The following CREB5 variants were observed in gnomAD, a reference collection of about 807,000 sequenced individuals.
The protein encoded by CREB5 is cyclic AMP-responsive element-binding protein 5.
In CREB5, 19 loss-of-function variants were observed where a neutral mutation model predicts 57.1. The observed-to-expected ratio is 0.33, with a 90% CI of 0.23 to 0.49. The LOEUF (loss-of-function observed/expected upper bound fraction) is 0.49, where lower values mean the gene tolerates loss of function less well. CREB5 is among the 20% of genes least tolerant of loss of function. The pLI is 0.99. For synonymous variants in CREB5, 238 were observed against 238.3 expected (o/e 1.00, Z 0.01); for missense variants, 579 against 671.6 (o/e 0.86, Z 1.52).
intron 5 of CREB5, among the ~76,000 whole-genome samples, chr7:28,603,292 T>C (rs537331972): frequency 6.6e-6 from 1 of 152,214 alleles, no homozygotes; most frequent in South Asian, 2.1e-4. Flanking sequence ...TAGAAAACTT[T>C]ATGTATAATT....
At chr7:28,783,310 C>G (rs1807099082) in intron 7 of CREB5, among the ~76,000 whole-genome samples, 2 of 152,156 alleles carry the variant, frequency 1.3e-5, no homozygotes, top group African/African-American at 2.4e-5. Context: ...GCTGATGAAC[C>G]AGAAAATTTA....
intron 4 of CREB5, among the ~76,000 whole-genome samples, chr7:28,539,711 A>C (rs1794125918): frequency 6.6e-6 from 1 of 152,204 alleles, no homozygotes; most frequent in South Asian, 2.1e-4. Context: ...TCAGTCACTA[A>C]GTTTCAGTCT....
intron 1 of CREB5, among the ~76,000 whole-genome samples, chr7:28,301,250 C>T (rs1009754223): frequency 4.6e-5 from 7 of 152,164 alleles, no homozygotes; most frequent in Non-Finnish European, 8.8e-5. Flanking sequence ...CAGGGATTTT[C>T]ATGCGTTTCA....
chr7:28,576,470 C>T (rs1234971662), intron 5 of CREB5, among the ~76,000 whole-genome samples: 2 of 152,152 alleles, frequency 1.3e-5, no homozygotes, highest in African/African-American at 4.8e-5. Flanking sequence ...ACATGTTTCC[C>T]CATGCTCCTG....
At chr7:28,325,250 A>T (rs1785567318) in intron 1 of CREB5, among the ~76,000 whole-genome samples, 1 of 152,160 alleles carries the variant, frequency 6.6e-6, no homozygotes, top group Non-Finnish European at 1.5e-5. Flanking sequence ...AGGTCAGGAG[A>T]TCGAGACCAT....
In CREB5 at chr7:28,682,618, A is replaced by T. The variant is rs180818044; in HGVS notation, c.465-36135A>T. Among the ~76,000 whole-genome samples, 1,105 of 152,204 alleles carry T rather than the reference A, an allele frequency of 7.3e-3. 12 individuals are homozygous for T. Among genetic ancestry groups the T allele is most frequent in the Admixed American group, 0.012 (188 of 15,294 alleles). On this transcript the variant is annotated intron_variant, in intron 5 of 10. Coordinates refer to ENST00000357727, the MANE Select transcript of CREB5 (RefSeq NM_182898.4). ...CTGTAGAAATCTTGGGTTAAATTTTAAAAACAACATTTGAAAGAAGATGAT... is the reference window on the plus strand; with the variant it reads ...CTGTAGAAATCTTGGGTTAAATTTTTAAAACAACATTTGAAAGAAGATGAT...
intron 1 of CREB5, among the ~76,000 whole-genome samples, chr7:28,349,599 G>A (rs10269853): frequency 0.76 from 115,541 of 151,886 alleles, 44,485 homozygotes; most frequent in Non-Finnish European, 0.83. Context: ...AACTAAGGAA[G>A]TAGGACCACC....
chr7:28,512,596 A>C (rs1792756515), intron 4 of CREB5, among the ~76,000 whole-genome samples: 1 of 152,236 alleles, frequency 6.6e-6, no homozygotes, highest in African/African-American at 2.4e-5. Flanking sequence ...TTAAAAAAGA[A>C]ATTGCATAAT....
At chr7:28,675,388 GTT>G (rs1319369626) in intron 5 of CREB5, among the ~76,000 whole-genome samples, 1 of 152,136 alleles carries the variant, frequency 6.6e-6, no homozygotes, top group African/African-American at 2.4e-5. Flanking sequence ...TTGTCCTGGT[GTT>G]TCAGAGCCCA....
At chr7:28,337,764 GTCTTA>G (rs1262708821) in intron 1 of CREB5, among the ~76,000 whole-genome samples, 1 of 151,850 alleles carries the variant, frequency 6.6e-6, no homozygotes, top group Non-Finnish European at 1.5e-5. Flanking sequence ...TTGTTTTGTG[GTCTTA>G]TCTTCCTCAT....
intron 5 of CREB5, among the ~76,000 whole-genome samples, chr7:28,595,353 G>T (rs553846006): frequency 3.4e-4 from 51 of 152,172 alleles, no homozygotes; most frequent in African/African-American, 1.1e-3. Flanking sequence ...ATTGTGTCTG[G>T]TTTTTTTCCC....
intron 1 of CREB5, among the ~76,000 whole-genome samples, chr7:28,376,112 T>G (rs1786817611): frequency 6.6e-6 from 1 of 152,132 alleles, no homozygotes; most frequent in African/African-American, 2.4e-5. Context: ...GTTTATTCAA[T>G]TTTGGTCAGG....
intron 4 of CREB5, among the ~76,000 whole-genome samples, chr7:28,557,056 C>G (rs534349911): frequency 1.4e-5 from 2 of 142,436 alleles, no homozygotes; most frequent in East Asian, 3.9e-4. Flanking sequence ...GAAACTGGCC[C>G]CAGGGCTTTC....
At chr7:28,390,276 G>A (rs1240062802) in intron 1 of CREB5, among the ~76,000 whole-genome samples, 5 of 152,108 alleles carry the variant, frequency 3.3e-5, no homozygotes, top group Non-Finnish European at 7.4e-5. Flanking sequence ...CTGTGTGAAA[G>A]CTCATGTAGA....
Position 28,370,672 on chromosome 7 carries a change from A to T in CREB5, c.-25+71231A>T, listed in dbSNP as rs143589621. On this transcript the variant is annotated intron_variant, in intron 1 of 9. Coordinates refer to the CREB5 transcript ENST00000396299. ...GATATAAAGTATACAGACACTGCAG[A>T]AAATGTACGCACGTGAACACATACG... is the stretch of plus-strand genomic sequence containing the variant. 1.0e-3 allele frequency among the ~76,000 whole-genome samples: 156 copies of T among 152,350 alleles called. 1 individual carries two copies. The highest frequency in any genetic ancestry group is 1.9e-4 in the Non-Finnish European group (13 of 68,030).
At chr7:28,740,194 T>C (rs1804254683) in intron 7 of CREB5, among the ~76,000 whole-genome samples, 1 of 152,164 alleles carries the variant, frequency 6.6e-6, no homozygotes, top group African/African-American at 2.4e-5. Flanking sequence ...AGGTGAACTA[T>C]GGGGTAGCTA....
chr7:28,697,667 G>A (rs1478721022), intron 5 of CREB5, among the ~76,000 whole-genome samples: 1 of 152,180 alleles, frequency 6.6e-6, no homozygotes, highest in African/African-American at 2.4e-5. Flanking sequence ...TCTGAGCTAG[G>A]AATCGCAATT....
rs1355625623 is a variant in CREB5, at chr7:28,819,377, C to T, written c.*98C>T. On this transcript the variant is annotated 3_prime_UTR_variant, in exon 11 of 11. Coordinates refer to ENST00000357727, the MANE Select transcript of CREB5 (RefSeq NM_182898.4). ...AGAATTAACTCAGACCTGGAAGACT[C>T]CTCAGTTCTTCAAAGACTGGCTTTC... 1.7e-6 allele frequency: 2 copies of T among 1,206,892 alleles called. No individual in the cohort carries two copies. The highest frequency in any genetic ancestry group is 3.1e-5 in the African/African-American group (2 of 65,372). 74.8% of individuals were successfully genotyped at this position (1,206,892 alleles called of 1,614,324 possible). A position where few individuals can be genotyped will look rare whatever the true frequency, so the allele number is the denominator to read the frequency against.
intron 5 of CREB5, among the ~76,000 whole-genome samples, chr7:28,681,550 C>G (rs903789560): frequency 6.6e-6 from 1 of 152,026 alleles, no homozygotes; most frequent in African/African-American, 2.4e-5. Flanking sequence ...TTCTTAGGGA[C>G]CTACTATGTA....
Sources: allele counts gnomAD v4.1 joint callset (sites outside exome capture counted in the v4.1 genomes callset), GRCh38; gene constraint gnomAD v4.1.1; transcripts MANE v1.5; gene names NCBI Gene and HGNC (gene_info 2026-07-23, HGNC 2026-07-21).